B3GALNT2: variants seen among roughly 807,000 people sequenced by gnomAD.
B3GALNT2 encodes the protein UDP-GalNAc:beta-1,3-N-acetylgalactosaminyltransferase 2.
Under a neutral mutation model 61.1 loss-of-function variants are expected in B3GALNT2, and 53 were observed. That is an observed-to-expected ratio of 0.87 (90% CI 0.70 to 1.09). The LOEUF is 1.09. B3GALNT2 is among the 50% of genes least tolerant of loss of function. The probability of loss-of-function intolerance (pLI) is 0.00; values close to 1 mark genes in which losing one functional copy is unlikely to be tolerated. For missense variants in B3GALNT2, 544 were observed against 623.0 expected (o/e 0.87, Z 1.35); for synonymous variants, 223 against 237.4 (o/e 0.94, Z 0.56).
chr1:235,502,302 C>G (rs1362697255), intron 1 of B3GALNT2, among the ~76,000 whole-genome samples: 2 of 152,206 alleles, frequency 1.3e-5, no homozygotes, highest in Non-Finnish European at 2.9e-5. Context: ...CGTGAGGCAC[C>G]GCGCCGGGCC....
intron 3 of B3GALNT2, among the ~76,000 whole-genome samples, chr1:235,486,986 T>C (rs1167433384): frequency 6.6e-6 from 1 of 151,944 alleles, no homozygotes; most frequent in East Asian, 1.9e-4. Context: ...CTGGCCAATG[T>C]GGTGAAACCC....
intron 1 of B3GALNT2, among the ~76,000 whole-genome samples, chr1:235,501,185 T>C (rs1207477232): frequency 6.6e-6 from 1 of 152,230 alleles, no homozygotes; most frequent in African/African-American, 2.4e-5. Context: ...GAGCATTTTG[T>C]AATCAAGATA....
chr1:235,444,683 G>A (rs1362026312), downstream of B3GALNT2, among the ~76,000 whole-genome samples: 2 of 152,202 alleles, frequency 1.3e-5, no homozygotes, highest in Non-Finnish European at 2.9e-5. Context: ...GGGGTTATAG[G>A]TGTGAGCCAC....
intron 5 of B3GALNT2, among the ~76,000 whole-genome samples, chr1:235,473,330 T>C (rs1346371731): frequency 6.6e-6 from 1 of 152,376 alleles, no homozygotes; most frequent in East Asian, 1.9e-4. Flanking sequence ...ATTCAGCTAA[T>C]GTATTTTCTT....
Position 235,486,338 on chromosome 1 carries a change from T to C in B3GALNT2, c.362-1823A>G, listed in dbSNP as rs574413303. On this transcript the variant is annotated intron_variant, in intron 3 of 11. Coordinates refer to ENST00000366600, the MANE Select transcript of B3GALNT2 (RefSeq NM_152490.5). Reference sequence around the variant, plus strand: ...CATAATGGACAACAATACAATTTTTTCTCTTTAAGATATTCAGTAAATAAC... The same window carrying C: ...CATAATGGACAACAATACAATTTTTCCTCTTTAAGATATTCAGTAAATAAC... Among the ~76,000 whole-genome samples, 8 of 152,326 alleles carry C rather than the reference T, an allele frequency of 5.3e-5. No homozygotes were observed. The South Asian group carries it at 1.5e-3, about 28-fold the overall frequency.
intron 2 of B3GALNT2, among the ~76,000 whole-genome samples, chr1:235,494,260 C>T (rs1685209083): frequency 1.5e-5 from 2 of 133,422 alleles, no homozygotes; most frequent in Non-Finnish European, 3.1e-5. Context: ...AACAAACAAA[C>T]CACACTGGGT....
chr1:235,487,020 G>A (rs1325633952), intron 3 of B3GALNT2, among the ~76,000 whole-genome samples: 1 of 152,042 alleles, frequency 6.6e-6, no homozygotes, highest in Non-Finnish European at 1.5e-5. Context: ...AATAAGTCAG[G>A]CGTGGTGGCG....
chr1:235,449,103 G>A lies in B3GALNT2; in HGVS notation c.*1103C>T, dbSNP rs967920522. The A allele has an allele frequency of 1.0e-5, 3 of 287,590 alleles. No individual in the cohort carries two copies. The highest frequency in any genetic ancestry group is 2.0e-5 in the Non-Finnish European group (3 of 148,380). The allele number at this position is 287,590 out of a possible 1,614,324, so 17.8% of individuals were successfully genotyped here. On this transcript the variant is annotated 3_prime_UTR_variant, in exon 12 of 12. Transcript: ENST00000366600. ...ACAGTTAATATCTGTCATAAGACTA[G>A]TTTTAATGGAATTCTCTATTGAAAC...
At chr1:235,497,292 T>C (rs2102867810) in intron 1 of B3GALNT2, among the ~76,000 whole-genome samples, 1 of 152,294 alleles carries the variant, frequency 6.6e-6, no homozygotes, top group East Asian at 1.9e-4. Context: ...AAAACAAAGG[T>C]AGTGACCAGC....
chr1:235,471,476 G>T (rs1684004816), intron 5 of B3GALNT2, among the ~76,000 whole-genome samples: 2 of 152,180 alleles, frequency 1.3e-5, no homozygotes, highest in South Asian at 2.1e-4. Flanking sequence ...ACAAGAAAGA[G>T]ATATTTTTAT....
In B3GALNT2 at chr1:235,504,351, A is replaced by G; in HGVS notation, c.-99T>C. 1 of 1,317,432 alleles carries G rather than the reference A, an allele frequency of 7.6e-7. No homozygotes were observed. The highest frequency in any genetic ancestry group is 1.0e-6 in the Non-Finnish European group (1 of 999,654). 81.6% of individuals were successfully genotyped at this position (1,317,432 alleles called of 1,614,324 possible). A position where few individuals can be genotyped will look rare whatever the true frequency, so the allele number is the denominator to read the frequency against. ...GAGGGGCGGCGGCTGACGAGCGACC[A>G]CTCCGAGCACGCCCGCCCTCGCGCT... On this transcript the variant is annotated 5_prime_UTR_variant, in exon 1 of 12. Transcript: ENST00000366600.
intron 1 of B3GALNT2, among the ~76,000 whole-genome samples, chr1:235,498,716 T>C (rs547786114): frequency 6.6e-6 from 1 of 151,748 alleles, no homozygotes; most frequent in Non-Finnish European, 1.5e-5. Flanking sequence ...TGGTGGTGCA[T>C]GCCTGTAATC....
At chr1:235,501,977 GA>G (rs1338649245) in intron 1 of B3GALNT2, among the ~76,000 whole-genome samples, 1 of 151,716 alleles carries the variant, frequency 6.6e-6, no homozygotes. Flanking sequence ...GTACCAAAAG[GA>G]AAAAAGGAAA....
downstream of B3GALNT2, among the ~76,000 whole-genome samples, chr1:235,443,181 C>CAT (rs777172312): frequency 2.3e-5 from 3 of 132,336 alleles, no homozygotes; most frequent in South Asian, 2.4e-4. Context: ...CACACACACA[C>CAT]ACACATATAT....
intron 6 of B3GALNT2, among the ~76,000 whole-genome samples, chr1:235,468,203 A>C (rs1370759934): frequency 6.6e-6 from 1 of 152,198 alleles, no homozygotes; most frequent in Non-Finnish European, 1.5e-5. Context: ...AATTTTTCTG[A>C]CATCACTTGC....
intron 5 of B3GALNT2, among the ~76,000 whole-genome samples, chr1:235,473,466 G>A (rs901342419): frequency 1.3e-5 from 2 of 152,204 alleles, no homozygotes; most frequent in Admixed American, 6.5e-5. Flanking sequence ...TCTGGTTTAG[G>A]TGACTTGAGG....
Position 235,489,595 on chromosome 1 carries a change from A to G in B3GALNT2, c.261-327T>C, listed in dbSNP as rs570920888. On this transcript the variant is annotated intron_variant, in intron 2 of 11. Transcript: ENST00000366600. ...CATGCCCATACCTAAAAACATATCT[A>G]TATCTAAAATTTTCCTTTGCTGCCT... is the stretch of plus-strand genomic sequence containing the variant. Among the ~76,000 whole-genome samples, 9 of 152,316 alleles carry G rather than the reference A, an allele frequency of 5.9e-5. No individual in the cohort carries two copies. The East Asian group carries it at 1.5e-3, about 26-fold the overall frequency.
chr1:235,467,052 T>A (rs1008551631), intron 6 of B3GALNT2, among the ~76,000 whole-genome samples: 1 of 152,146 alleles, frequency 6.6e-6, no homozygotes, highest in African/African-American at 2.4e-5. Context: ...TCATTTAATT[T>A]AAAATATGTT....
intron 1 of B3GALNT2, among the ~76,000 whole-genome samples, chr1:235,497,851 A>G (rs1256388803): frequency 6.6e-6 from 1 of 152,214 alleles, no homozygotes; most frequent in Admixed American, 6.5e-5. Flanking sequence ...AAATACAAAG[A>G]TAACCATGTG....
Sources: allele counts gnomAD v4.1 joint callset (sites outside exome capture counted in the v4.1 genomes callset), GRCh38; gene constraint gnomAD v4.1.1; transcripts MANE v1.5; gene names NCBI Gene and HGNC (gene_info 2026-07-23, HGNC 2026-07-21).